The following WDFY4 variants were observed in gnomAD, a reference collection of about 807,000 sequenced individuals.
WDFY4 encodes WDFY family member 4.
In WDFY4, 169 loss-of-function variants were observed where a neutral mutation model predicts 351.9. The observed-to-expected ratio is 0.48, with a 90% CI of 0.42 to 0.55. WDFY4 has a LOEUF of 0.55. Ranked by LOEUF, WDFY4 falls within the 20% of genes least tolerant of loss-of-function variation. The pLI is 0.00. For synonymous variants in WDFY4, 1,622 were observed against 1,574.6 expected (o/e 1.03, Z -0.71); for missense variants, 3,803 against 3,935.6 (o/e 0.97, Z 0.90).
intron 1 of WDFY4, among the ~76,000 whole-genome samples, chr10:48,706,659 G>A (rs1202933569): frequency 6.6e-6 from 1 of 152,188 alleles, no homozygotes; most frequent in Admixed American, 6.5e-5. Context: ...GCAGCCGTTT[G>A]GAAATATGGA....
rs1381556742 is a variant in WDFY4, at chr10:48,780,085, C to T, written c.3542C>T (p.Thr1181Ile). The T allele has an allele frequency of 2.6e-6, 4 of 1,551,940 alleles. No homozygotes were observed. The highest frequency in any genetic ancestry group is 4.9e-5 in the East Asian group (2 of 40,940). ...ATGAAAAGGCATTGTACAGTTTCCACCTGTCTGGATGGACAGGTCATTGGC... is the reference window on the plus strand; with the variant it reads ...ATGAAAAGGCATTGTACAGTTTCCATCTGTCTGGATGGACAGGTCATTGGC... ...KEMKRHCTVS[T>I]CLDGQVIGSA... is the part of the protein sequence containing the mutation. The change falls in exon 19 of 62, where the codon ACC becomes ATC. Residue 1181 changes from threonine to isoleucine, a missense_variant. This residue lies in a region of WDFY4 where 3,054 missense variants were observed against 3,148.6 expected (regional missense o/e 0.97). Transcript: ENST00000325239.
chr10:48,800,242 G>T (rs2448544), intron 24 of WDFY4, among the ~76,000 whole-genome samples: 43,756 of 152,120 alleles, frequency 0.29, 6,993 homozygotes, highest in East Asian at 0.7. Context: ...AGGAGAAGAC[G>T]CAGTAAAAAC....
chr10:48,793,674 G>A (rs540281284), intron 23 of WDFY4, among the ~76,000 whole-genome samples: 31 of 152,318 alleles, frequency 2.0e-4, no homozygotes, highest in African/African-American at 6.5e-4. Context: ...TCATAAGAGC[G>A]TGTGTCCGGC....
At chr10:48,782,968 T>C (rs1028101121) in intron 19 of WDFY4, among the ~76,000 whole-genome samples, 3 of 152,142 alleles carry the variant, frequency 2.0e-5, no homozygotes, top group African/African-American at 7.2e-5. Flanking sequence ...GAGGACTCTG[T>C]GCCTGCGAGA....
At chr10:48,691,304 C>T in intron 1 of WDFY4, among the ~76,000 whole-genome samples, 1 of 152,142 alleles carries the variant, frequency 6.6e-6, no homozygotes, top group East Asian at 1.9e-4. Flanking sequence ...TGTGCAGAGC[C>T]TCCTCCCAAG....
At position 48,784,255 on chromosome 10, in the gene WDFY4, G is replaced by T. The variant is rs572113981; in HGVS notation, c.3577-2384G>T. On this transcript the variant is annotated intron_variant, in intron 19 of 61. Transcript: ENST00000325239. ...GGTAATTGAATGTTTAGTTTTATAA[G>T]AAACTGCCAAACTATTTCGAAAATG... is the stretch of plus-strand genomic sequence containing the variant. Among the ~76,000 whole-genome samples the T allele has an allele frequency of 2.0e-5, 3 of 152,332 alleles. No homozygotes were observed. In the South Asian group the frequency reaches 6.2e-4, roughly 32 times the overall value.
At chr10:48,796,674 T>C (rs1178861195) in intron 24 of WDFY4, among the ~76,000 whole-genome samples, 2 of 152,202 alleles carry the variant, frequency 1.3e-5, no homozygotes. Flanking sequence ...TGAGCCCCAC[T>C]CTTTTTCTTG....
chr10:48,776,377 C>T (rs1315325055), intron 15 of WDFY4, among the ~76,000 whole-genome samples: 1 of 152,066 alleles, frequency 6.6e-6, no homozygotes, highest in African/African-American at 2.4e-5. Flanking sequence ...CCAGAGCTTA[C>T]AAGGAGAGGC....
intron 27 of WDFY4, among the ~76,000 whole-genome samples, 156 bp downstream of exon 27, chr10:48,806,251 TATG>T (rs1309333433): frequency 6.6e-6 from 1 of 152,244 alleles, no homozygotes; most frequent in Non-Finnish European, 1.5e-5. Flanking sequence ...GCTGTCATTT[TATG>T]ATGAGAGTCA....
Position 48,897,494 on chromosome 10 carries a change from A to G in WDFY4, c.7357A>G (p.Arg2453Gly), listed in dbSNP as rs1837143359. 6.4e-7 allele frequency: 1 copy of G among 1,551,706 alleles called. No homozygotes were observed. Among genetic ancestry groups the G allele is most frequent in the Non-Finnish European group, 8.7e-7 (1 of 1,147,032 alleles). ...CATTTTCAACCTGTGCAGCAAAGAC[A>G]GGTCCACTGACCATTACTCGTGCCA... ...PFIFNLCSKD[R>G]STDHYSCQCH... The change falls in exon 45 of 62, where the codon AGG (arginine) becomes GGG (glycine). Residue 2453 changes from arginine (R) to glycine (G), a missense_variant. Coordinates refer to ENST00000325239, the MANE Select transcript of WDFY4 (RefSeq NM_001394531.1).
In WDFY4 at chr10:48,792,852, G is replaced by T. The variant is rs534510128; in HGVS notation, c.4257+1935G>T. On this transcript the variant is annotated intron_variant, in intron 23 of 61. Coordinates refer to ENST00000325239, the MANE Select transcript of WDFY4 (RefSeq NM_001394531.1). ...CTCAGACTACCTCAGGCTCACTGTG[G>T]TCTCATTGCCTAGTCCTGGGGATGG... Among the ~76,000 whole-genome samples, 10 of 152,280 alleles carry T rather than the reference G, an allele frequency of 6.6e-5. No homozygotes were observed. In the South Asian group the frequency reaches 2.1e-3, roughly 32 times the overall value.
chr10:48,856,414 A>G (rs1022000212), intron 39 of WDFY4, among the ~76,000 whole-genome samples: 2 of 152,110 alleles, frequency 1.3e-5, no homozygotes, highest in African/African-American at 4.8e-5. Flanking sequence ...GACTATTAAA[A>G]TACTCCTCTC....
At chr10:48,972,711 C>T (rs1422578556) in intron 57 of WDFY4, among the ~76,000 whole-genome samples, 1 of 152,116 alleles carries the variant, frequency 6.6e-6, no homozygotes, top group African/African-American at 2.4e-5. Context: ...CGATAAACTT[C>T]GAGGAGGAGA....
intron 54 of WDFY4, 30 bp from the exon 55 acceptor site, chr10:48,966,496 C>A (rs769501289): frequency 6.5e-7 from 1 of 1,546,458 alleles, no homozygotes; most frequent in East Asian, 2.5e-5. Flanking sequence ...CATCTCTCCC[C>A]TCATGTGTGT....
chr10:48,947,092 T>A, intron 51 of WDFY4, 123 bp downstream of exon 51: 1 of 775,282 alleles, frequency 1.3e-6, no homozygotes, highest in Non-Finnish European at 2.0e-6. Flanking sequence ...ACTCAGTCAT[T>A]AGCCAGTGAT....
intron 11 of WDFY4, among the ~76,000 whole-genome samples, chr10:48,740,754 T>G (rs2064826341): frequency 6.6e-6 from 1 of 152,224 alleles, no homozygotes; most frequent in South Asian, 2.1e-4. Context: ...TTTCCCACGA[T>G]TCACACTTGA....
intron 40 of WDFY4, among the ~76,000 whole-genome samples, chr10:48,869,367 C>T (rs189630367): frequency 1.2e-4 from 18 of 152,286 alleles, no homozygotes; most frequent in South Asian, 8.3e-4. Flanking sequence ...TAACACACCA[C>T]GCAGGACTTT....
At chr10:48,963,425 G>A (rs928832855) in intron 53 of WDFY4, among the ~76,000 whole-genome samples, 3 of 152,224 alleles carry the variant, frequency 2.0e-5, no homozygotes, top group African/African-American at 7.2e-5. Flanking sequence ...CCTGATCACT[G>A]CACTTAGCCT....
intron 39 of WDFY4, among the ~76,000 whole-genome samples, chr10:48,866,878 G>A (rs1241946634): frequency 1.3e-5 from 2 of 152,064 alleles, no homozygotes; most frequent in East Asian, 1.9e-4. Flanking sequence ...GTATAGAGAC[G>A]TTCTTATCTA....
Sources: gnomAD v4.1 joint callset for allele counts (sites outside exome capture counted in the v4.1 genomes callset) on GRCh38, gnomAD v4.1.1 for gene constraint, gnomAD v4.1.1 regional missense constraint, MANE v1.5 for transcripts, NCBI Gene and HGNC (gene_info 2026-07-23, HGNC 2026-07-21) for gene names.